The following LPCAT1 variants were observed in gnomAD, a reference collection of about 807,000 sequenced individuals.
LPCAT1 encodes the protein lysophosphatidylcholine acyltransferase 1.
In LPCAT1, 23 loss-of-function variants were observed where a neutral mutation model predicts 60.9. That is an observed-to-expected ratio of 0.38 (90% CI 0.27 to 0.53). The LOEUF is 0.53. Among genes scored for constraint, LPCAT1 ranks in the 20% least tolerant of loss-of-function variants. The pLI, the probability that LPCAT1 is intolerant of heterozygous loss-of-function variation, is 0.82. For synonymous variants in LPCAT1, 340 were observed against 301.1 expected (o/e 1.13, Z -1.34); for missense variants, 622 against 723.6 (o/e 0.86, Z 1.61).
In LPCAT1 at chr5:1,483,827, T is replaced by C. The variant is rs535738750; in HGVS notation, c.668-341A>G. On this transcript the variant is annotated intron_variant, in intron 5 of 13. Transcript: ENST00000283415. This position sits in a 1 kb window ranked among gnomAD's most constrained non-coding sequence, Gnocchi z 9.2. ...ACATCCGTGGAGGGACACTTTCTGC[T>C]GTAACATCGCGCACCAGCTGGAAGG... is the stretch of plus-strand genomic sequence containing the variant. 9.5e-5 allele frequency among the ~76,000 whole-genome samples: 14 copies of C among 147,166 alleles called. No homozygotes were observed. The highest frequency in any genetic ancestry group is 1.4e-4 in the Admixed American group (2 of 14,572).
chr5:1,472,614 G>A (rs530316930), intron 11 of LPCAT1, among the ~76,000 whole-genome samples: 52 of 152,248 alleles, frequency 3.4e-4, no homozygotes, highest in African/African-American at 1.1e-3. Context: ...ACCTCGGAAC[G>A]CTGCCTGTGA....
In LPCAT1 at chr5:1,476,408, G is replaced by C. The variant is rs1020208484; in HGVS notation, c.899+996C>G. On this transcript the variant is annotated intron_variant, in intron 9 of 13. Coordinates refer to ENST00000283415, the MANE Select transcript of LPCAT1 (RefSeq NM_024830.5). The surrounding 1 kb of genome is among the most constrained non-coding windows in gnomAD (Gnocchi z 8.6). ...GGAGAGGATGGGAACGTGAGGGAAC[G>C]GGCCGCCCAGCTGAATCTTCAGGGT... 6.6e-6 allele frequency among the ~76,000 whole-genome samples: 1 copy of C among 152,100 alleles called. No homozygotes were observed. Among genetic ancestry groups the C allele is most frequent in the Non-Finnish European group, 1.5e-5 (1 of 68,020 alleles).
intron 13 of LPCAT1, 99 bp downstream of exon 13, chr5:1,466,650 G>T: frequency 1.5e-6 from 2 of 1,306,948 alleles, no homozygotes; most frequent in East Asian, 2.7e-5. Context: ...GCATGGCGGG[G>T]ACTCCACTCC....
intron 3 of LPCAT1, among the ~76,000 whole-genome samples, chr5:1,490,253 A>G (rs1735525984): frequency 6.6e-6 from 1 of 152,192 alleles, no homozygotes; most frequent in Non-Finnish European, 1.5e-5. Flanking sequence ...TGTGGGTTGA[A>G]CTGCATCCCC....
chr5:1,466,704 C>A (rs200461315), intron 13 of LPCAT1, 45 bp downstream of exon 13: 1 of 1,583,692 alleles, frequency 6.3e-7, no homozygotes, highest in South Asian at 1.1e-5. Context: ...TCTGTCCAGC[C>A]CCCGCCCAAG....
rs1736688242 is a variant in LPCAT1 at position 1,521,872 on chromosome 5, G to A, written c.135+1838C>T. Among the ~76,000 whole-genome samples, 1 of 152,242 alleles carries A rather than the reference G, an allele frequency of 6.6e-6. No individual in the cohort carries two copies. Among genetic ancestry groups the A allele is most frequent in the African/African-American group, 2.4e-5 (1 of 41,460 alleles). ...AAAGCAGGCCCCTCTGGGCACTCTG[G>A]CAGTGCCCTGACATCTGTACCTACC... On this transcript the variant is annotated intron_variant, in intron 1 of 13. Transcript: ENST00000283415. The surrounding 1 kb of genome is among the most constrained non-coding windows in gnomAD (Gnocchi z 4.3).
At chr5:1,517,866 C>A (rs561240032) in intron 1 of LPCAT1, among the ~76,000 whole-genome samples, 16 of 152,360 alleles carry the variant, frequency 1.1e-4, no homozygotes, top group South Asian at 1.0e-3. Flanking sequence ...GGCAGTGCCT[C>A]CCCACACGGG....
chr5:1,480,345 G>A lies in LPCAT1; in HGVS notation c.761+597C>T, dbSNP rs904789936. 3 of 984,924 alleles carry A rather than the reference G, an allele frequency of 3.0e-6. No homozygotes were observed. The highest frequency in any genetic ancestry group is 3.5e-5 in the African/African-American group (2 of 57,080). 61.0% of individuals were successfully genotyped at this position (984,924 alleles called of 1,614,324 possible). ...CCAGCGGACCCACATCCTCCCAAAC[G>A]CCTGGAATGGAGCTGCTCTCTCTTG... On this transcript the variant is annotated intron_variant, in intron 7 of 13. Coordinates refer to ENST00000283415, the MANE Select transcript of LPCAT1 (RefSeq NM_024830.5). The surrounding 1 kb of genome is among the most constrained non-coding windows in gnomAD (Gnocchi z 6.4).
intron 1 of LPCAT1, among the ~76,000 whole-genome samples, chr5:1,520,443 C>T (rs1736635598): frequency 6.6e-6 from 1 of 152,196 alleles, no homozygotes; most frequent in Admixed American, 6.5e-5. Context: ...ACCCAGCAGC[C>T]TCCTCCACTC....
At position 1,483,458 on chromosome 5, in the gene LPCAT1, C is replaced by T. The variant is rs1735239966; in HGVS notation, c.696G>A (p.Gln232=). 2 of 1,613,618 alleles carry T rather than the reference C, an allele frequency of 1.2e-6. No homozygotes were observed. Among genetic ancestry groups the T allele is most frequent in the African/African-American group, 1.3e-5 (1 of 74,930 alleles). Residue 232 remains glutamine (Q), a synonymous_variant, in exon 6 of 14, where the codon CAG becomes CAA. Coordinates refer to ENST00000283415, the MANE Select transcript of LPCAT1 (RefSeq NM_024830.5). This position sits in a 1 kb window ranked among gnomAD's most constrained non-coding sequence, Gnocchi z 9.2. ...TATTTGGATATCGTAAAACCACAGGCTGGACGGGCGCTCCAGGGATGAATG... is the reference window on the plus strand; with the variant it reads ...TATTTGGATATCGTAAAACCACAGGTTGGACGGGCGCTCCAGGGATGAATG... ...PGAFIPGAPV[Q]PVVLRYPNKL...
At chr5:1,465,116 GCACA>G (rs146353039) in intron 13 of LPCAT1, among the ~76,000 whole-genome samples, 28,842 of 140,152 alleles carry the variant, frequency 0.21, 3,133 homozygotes, top group South Asian at 0.29. Context: ...CCACACACAT[GCACA>G]CACACACAAA....
intron 8 of LPCAT1, among the ~76,000 whole-genome samples, chr5:1,478,594 G>A (rs1429502338): frequency 6.6e-6 from 1 of 152,272 alleles, no homozygotes; most frequent in Non-Finnish European, 1.5e-5. Flanking sequence ...GCTGGGTGGG[G>A]GAACTGCCGC....
At chr5:1,489,656 G>A in intron 4 of LPCAT1, 90 bp downstream of exon 4, 1 of 970,348 alleles carries the variant, frequency 1.0e-6, no homozygotes, top group Non-Finnish European at 1.7e-6. Context: ...CAGCCCCGGA[G>A]GAAGGGCCCC....
chr5:1,518,852 G>A (rs1330541552), intron 1 of LPCAT1, among the ~76,000 whole-genome samples: 2 of 152,248 alleles, frequency 1.3e-5, no homozygotes, highest in African/African-American at 4.8e-5. Flanking sequence ...GAGTTCCGGA[G>A]CCACGACCAC....
rs776889940 is a variant in LPCAT1, at chr5:1,466,778, T to C, written c.1391A>G (p.Asp464Gly). The C allele has an allele frequency of 1.9e-6, 3 of 1,612,210 alleles. No individual in the cohort carries two copies. In the African/African-American group the frequency reaches 4.0e-5, roughly 22 times the overall value. The change falls in exon 13 of 14, where the codon GAC becomes GGC. Residue 464 changes from aspartate to glycine, a missense_variant. This residue lies in a region of LPCAT1 where 288 missense variants were observed against 283.6 expected (regional missense o/e 1.02). Transcript: ENST00000283415. Reference sequence around the variant, plus strand: ...TGTGATCTTCCCCTTCTCCTCTTGGTCAATGGCTCGGAATAGGTCGGTCAC... The same window carrying C: ...TGTGATCTTCCCCTTCTCCTCTTGGCCAATGGCTCGGAATAGGTCGGTCAC... The part of the protein sequence containing the change: ...LTVTDLFRAI[D>G]QEEKGKITFA...
intron 1 of LPCAT1, 21 bp from the exon 2 acceptor site, chr5:1,501,624 T>C (rs1438615618): frequency 6.2e-7 from 1 of 1,612,376 alleles, no homozygotes; most frequent in Non-Finnish European, 8.5e-7. Context: ...AGGGGGGCAT[T>C]ATCCAGAGAA....
chr5:1,499,569 G>A (rs1001841653), intron 2 of LPCAT1, among the ~76,000 whole-genome samples: 1 of 152,180 alleles, frequency 6.6e-6, no homozygotes, highest in Admixed American at 6.5e-5. Context: ...TAAAGCATAA[G>A]AGAATTTTAA....
In LPCAT1 at chr5:1,502,259, C is replaced by A. The variant is rs552797539; in HGVS notation, c.136-656G>T. Among the ~76,000 whole-genome samples the A allele has an allele frequency of 5.9e-5, 9 of 152,152 alleles. No individual in the cohort carries two copies. Among genetic ancestry groups the A allele is most frequent in the African/African-American group, 2.2e-4 (9 of 41,490 alleles). ...CCGCAGGACGCACCCCCAGGCAGCT[C>A]CGCCCCCCAGGACACACCCCCAGCC... On this transcript the variant is annotated intron_variant, in intron 1 of 13. Coordinates refer to ENST00000283415, the MANE Select transcript of LPCAT1 (RefSeq NM_024830.5). The surrounding 1 kb of genome is among the most constrained non-coding windows in gnomAD (Gnocchi z 5.5).
In LPCAT1 at chr5:1,502,277, C is replaced by G. The variant is rs991242406; in HGVS notation, c.136-674G>C. Among the ~76,000 whole-genome samples the G allele has an allele frequency of 5.9e-5, 9 of 152,250 alleles. No individual in the cohort carries two copies. Among genetic ancestry groups the G allele is most frequent in the African/African-American group, 2.2e-4 (9 of 41,544 alleles). On this transcript the variant is annotated intron_variant, in intron 1 of 13. Transcript: ENST00000283415. This position sits in a 1 kb window ranked among gnomAD's most constrained non-coding sequence, Gnocchi z 5.5. Reference sequence around the variant, plus strand: ...GGCAGCTCCGCCCCCCAGGACACACCCCCAGCCCCGCAGGCCTCACTCAGC... The same window carrying G: ...GGCAGCTCCGCCCCCCAGGACACACGCCCAGCCCCGCAGGCCTCACTCAGC...
Sources: allele counts gnomAD v4.1 joint callset (sites outside exome capture counted in the v4.1 genomes callset), GRCh38; gene constraint gnomAD v4.1.1; regional missense constraint gnomAD v4.1.1; non-coding constraint Gnocchi (gnomAD v3.1); transcripts MANE v1.5; gene names NCBI Gene and HGNC (gene_info 2026-07-23, HGNC 2026-07-21).